The following PPARGC1A variants were observed in gnomAD, a reference collection of about 807,000 sequenced individuals.
PPARGC1A encodes peroxisome proliferator-activated receptor gamma coactivator 1-alpha.
PPARGC1A carries 25 observed loss-of-function variants against 88.7 expected under a neutral mutation model. The ratio of observed to expected loss-of-function variants is 0.28; its 90% CI spans 0.21 to 0.39. PPARGC1A has a LOEUF of 0.39. Ranked by LOEUF, PPARGC1A falls within the 10% of genes least tolerant of loss-of-function variation. The probability of loss-of-function intolerance (pLI) is 1.00; values close to 1 mark genes in which losing one functional copy is unlikely to be tolerated. For synonymous variants in PPARGC1A, 363 were observed against 355.6 expected (o/e 1.02, Z -0.24); for missense variants, 880 against 968.7 (o/e 0.91, Z 1.22).
intron 7 of PPARGC1A, chr4:23,820,392 T>C (rs549615931): frequency 5.5e-6 from 1 of 181,086 alleles, no homozygotes; most frequent in African/African-American, 2.4e-5. Context: ...ATAAAAACTA[T>C]ATATACATAT....
chr4:24,121,994 T>A, the PPARGC1A span, among the ~76,000 whole-genome samples: 3 of 152,126 alleles, frequency 2.0e-5, no homozygotes, highest in East Asian at 5.8e-4. Flanking sequence ...TGATGCTGAC[T>A]CAAAGGGAGT....
chr4:24,204,979 G>A, the PPARGC1A span, among the ~76,000 whole-genome samples: 1 of 152,048 alleles, frequency 6.6e-6, no homozygotes, highest in African/African-American at 2.4e-5. Flanking sequence ...CCGCCACCAC[G>A]CCCAGCTAAT....
At chr4:23,934,729 G>A in the PPARGC1A span, among the ~76,000 whole-genome samples, 2 of 152,184 alleles carry the variant, frequency 1.3e-5, no homozygotes, top group African/African-American at 4.8e-5. Flanking sequence ...CTATGATATA[G>A]GCAGAGAAGT....
the PPARGC1A span, among the ~76,000 whole-genome samples, chr4:24,216,359 G>T: frequency 3.3e-5 from 5 of 151,830 alleles, no homozygotes; most frequent in African/African-American, 1.2e-4. Context: ...TGTTGGCCAG[G>T]CTGGTCTCAA....
chr4:24,255,580 C>A, the PPARGC1A span, among the ~76,000 whole-genome samples: 587 of 152,294 alleles, frequency 3.9e-3, 3 homozygotes, highest in Middle Eastern at 0.01. Flanking sequence ...CATACCTACC[C>A]AGTGGGAACC....
At chr4:24,451,007 A>G in the PPARGC1A span, among the ~76,000 whole-genome samples, 1 of 152,236 alleles carries the variant, frequency 6.6e-6, no homozygotes, top group Non-Finnish European at 1.5e-5. Context: ...ACAAGAAACT[A>G]CAGGGAATTT....
At chr4:24,258,268 C>T in the PPARGC1A span, 1 of 936,942 alleles carries the variant, frequency 1.1e-6, no homozygotes, top group Non-Finnish European at 1.3e-6. Context: ...CGCAAAAAAC[C>T]TGAAAGGCAG....
At chr4:24,259,017 C>G in the PPARGC1A span, among the ~76,000 whole-genome samples, 1 of 152,130 alleles carries the variant, frequency 6.6e-6, no homozygotes, top group Non-Finnish European at 1.5e-5. Flanking sequence ...ACTATGACAA[C>G]CACTCTAATC....
chr4:24,304,499 C>A, the PPARGC1A span, among the ~76,000 whole-genome samples: 1 of 152,120 alleles, frequency 6.6e-6, no homozygotes, highest in African/African-American at 2.4e-5. Flanking sequence ...GTTGGAGACA[C>A]AGAAAGGTTA....
At chr4:24,042,563 G>A in the PPARGC1A span, among the ~76,000 whole-genome samples, 3 of 152,172 alleles carry the variant, frequency 2.0e-5, no homozygotes, top group African/African-American at 7.2e-5. Context: ...AAGCTATTCT[G>A]TGTGGGAACA....
the PPARGC1A span, among the ~76,000 whole-genome samples, chr4:24,200,655 C>CAAAAAAAAA: frequency 0.013 from 1,176 of 88,266 alleles, 215 homozygotes; most frequent in East Asian, 0.11. Flanking sequence ...ATTTATTAAG[C>CAAAAAAAAA]AAAAAAAAAA....
At chr4:23,910,330 TATTATATATATTATATATTATATATATTA>T in the PPARGC1A span, among the ~76,000 whole-genome samples, 2 of 93,462 alleles carry the variant, frequency 2.1e-5, no homozygotes, top group Non-Finnish European at 3.9e-5. Context: ...ATATATTATA[TATTATATATATTATATATTATATATATTA>T]TATATATTAT....
the PPARGC1A span, among the ~76,000 whole-genome samples, chr4:24,442,607 C>A: frequency 3.3e-5 from 5 of 152,142 alleles, no homozygotes; most frequent in Non-Finnish European, 2.9e-5. Context: ...GGTGATAATT[C>A]GGCCTTCCTG....
At chr4:24,141,859 C>T in the PPARGC1A span, among the ~76,000 whole-genome samples, 2 of 152,150 alleles carry the variant, frequency 1.3e-5, no homozygotes, top group Non-Finnish European at 1.5e-5. Context: ...ATAAAAATCT[C>T]TGCAGGTTGA....
chr4:24,194,813 T>A, the PPARGC1A span, among the ~76,000 whole-genome samples: 1 of 152,216 alleles, frequency 6.6e-6, no homozygotes, highest in African/African-American at 2.4e-5. Flanking sequence ...GGATGCTATT[T>A]CCACTGAGAA....
At chr4:24,155,898 A>T in the PPARGC1A span, among the ~76,000 whole-genome samples, 1 of 152,214 alleles carries the variant, frequency 6.6e-6, no homozygotes. Flanking sequence ...AGGAACTAGC[A>T]AGCACTAGGA....
At chr4:24,359,147 G>A in the PPARGC1A span, among the ~76,000 whole-genome samples, 1 of 152,160 alleles carries the variant, frequency 6.6e-6, no homozygotes, top group Non-Finnish European at 1.5e-5. Context: ...CAATGTTGAG[G>A]GCTGGGAATA....
chr4:24,457,767 G>A, the PPARGC1A span, among the ~76,000 whole-genome samples: 3 of 152,076 alleles, frequency 2.0e-5, no homozygotes, highest in South Asian at 4.1e-4. Flanking sequence ...GTTTAACCAT[G>A]TTAGCCAGGA....
At chr4:23,946,990 G>T in the PPARGC1A span, among the ~76,000 whole-genome samples, 1 of 151,978 alleles carries the variant, frequency 6.6e-6, no homozygotes, top group South Asian at 2.1e-4. Context: ...TGGCAGGTTG[G>T]TACGAAATTT....
Sources: gnomAD v4.1 joint callset for allele counts (sites outside exome capture counted in the v4.1 genomes callset) on GRCh38, gnomAD v4.1.1 for gene constraint, MANE v1.5 for transcripts, NCBI Gene and HGNC (gene_info 2026-07-23, HGNC 2026-07-21) for gene names.